QTMAN: variants seen among roughly 807,000 people sequenced by gnomAD.
QTMAN encodes queuosine-tRNA mannosyltransferase.
At chr2:144,004,367 CTAAA>C in the QTMAN span, among the ~76,000 whole-genome samples, 1 of 152,004 alleles carries the variant, frequency 6.6e-6, no homozygotes, top group East Asian at 1.9e-4. Context: ...GATCAGGGGT[CTAAA>C]TAAATGTGTG....
chr2:144,230,115 G>T, the QTMAN span: 1 of 151,908 alleles, frequency 6.6e-6, no homozygotes, highest in Non-Finnish European at 1.5e-5. Context: ...TATATCTGGG[G>T]TCCCTATATG....
the QTMAN span, among the ~76,000 whole-genome samples, chr2:143,965,023 T>A: frequency 6.6e-6 from 1 of 152,064 alleles, no homozygotes; most frequent in Admixed American, 6.6e-5. Context: ...ACAAACACAT[T>A]CCACTTATTT....
chr2:144,245,299 G>A, the QTMAN span, among the ~76,000 whole-genome samples: 1 of 152,172 alleles, frequency 6.6e-6, no homozygotes, highest in African/African-American at 2.4e-5. Context: ...CCTGGCTTTT[G>A]AGAAATCCAT....
chr2:144,064,831 T>TA, the QTMAN span, among the ~76,000 whole-genome samples: 1 of 152,170 alleles, frequency 6.6e-6, no homozygotes, highest in Non-Finnish European at 1.5e-5. Flanking sequence ...AATGACACAT[T>TA]AAGCCTTTAA....
chr2:144,031,314 C>T, the QTMAN span, among the ~76,000 whole-genome samples: 1 of 151,858 alleles, frequency 6.6e-6, no homozygotes, highest in Non-Finnish European at 1.5e-5. Flanking sequence ...TGGTACTAAT[C>T]CTTTTCAAAA....
the QTMAN span, among the ~76,000 whole-genome samples, chr2:143,962,989 T>G: frequency 6.6e-6 from 1 of 152,200 alleles, no homozygotes; most frequent in Non-Finnish European, 1.5e-5. Flanking sequence ...ATTTTTTTTG[T>G]ATTTATATGT....
At chr2:144,197,435 C>T in the QTMAN span, among the ~76,000 whole-genome samples, 15 of 151,860 alleles carry the variant, frequency 9.9e-5, no homozygotes, top group African/African-American at 3.4e-4. Flanking sequence ...AGAACATTTA[C>T]GTGCATGGAG....
At chr2:143,991,466 C>A in the QTMAN span, among the ~76,000 whole-genome samples, 1 of 147,182 alleles carries the variant, frequency 6.8e-6, no homozygotes, top group African/African-American at 2.5e-5. Flanking sequence ...CCAGCCGCCC[C>A]GTCCGGGAGG....
chr2:143,970,344 A>G, the QTMAN span, among the ~76,000 whole-genome samples: 1 of 152,244 alleles, frequency 6.6e-6, no homozygotes, highest in Non-Finnish European at 1.5e-5. Context: ...GAGAGGTTGT[A>G]TATCCAATTA....
the QTMAN span, among the ~76,000 whole-genome samples, chr2:144,324,148 A>G: frequency 1.3e-5 from 2 of 152,202 alleles, no homozygotes; most frequent in Non-Finnish European, 2.9e-5. Context: ...CATCCAATAC[A>G]AGTCTGTCTG....
the QTMAN span, among the ~76,000 whole-genome samples, chr2:144,182,653 A>AAAG: frequency 1.4e-5 from 2 of 145,386 alleles, no homozygotes; most frequent in African/African-American, 5.0e-5. Flanking sequence ...CAAAAAAAAA[A>AAAG]AAAAAAAAAA....
chr2:144,020,454 AAGAACCC>A, the QTMAN span, among the ~76,000 whole-genome samples: 1 of 152,250 alleles, frequency 6.6e-6, no homozygotes, highest in Non-Finnish European at 1.5e-5. Context: ...ACACCAAGGA[AAGAACCC>A]AGGATACAGA....
At chr2:143,978,494 A>C in the QTMAN span, among the ~76,000 whole-genome samples, 1 of 152,176 alleles carries the variant, frequency 6.6e-6, no homozygotes, top group Non-Finnish European at 1.5e-5. Context: ...TGGATATTGT[A>C]CACAGTCATT....
the QTMAN span, among the ~76,000 whole-genome samples, chr2:144,080,639 A>G: frequency 2.6e-5 from 4 of 152,206 alleles, no homozygotes; most frequent in African/African-American, 9.6e-5. Context: ...CTATTTGGAG[A>G]AAAATATATA....
the QTMAN span, among the ~76,000 whole-genome samples, chr2:144,215,539 T>C: frequency 2.0e-5 from 3 of 152,180 alleles, no homozygotes; most frequent in East Asian, 1.9e-4. Flanking sequence ...TTCCACATTA[T>C]ATTAAAAAAT....
the QTMAN span, among the ~76,000 whole-genome samples, chr2:144,236,208 A>G: frequency 6.6e-6 from 1 of 152,116 alleles, no homozygotes; most frequent in Non-Finnish European, 1.5e-5. Context: ...GCAGGTTGGA[A>G]TGCATATGGA....
the QTMAN span, among the ~76,000 whole-genome samples, chr2:144,080,678 G>A: frequency 6.6e-6 from 1 of 152,130 alleles, no homozygotes; most frequent in South Asian, 2.1e-4. Context: ...AGATTTGTGG[G>A]TGAACATAGA....
At chr2:144,040,328 A>G in the QTMAN span, among the ~76,000 whole-genome samples, 2 of 152,004 alleles carry the variant, frequency 1.3e-5, no homozygotes, top group Admixed American at 1.3e-4. Context: ...TGATTGTCTT[A>G]CTTTATTATC....
At chr2:144,067,456 G>T in the QTMAN span, among the ~76,000 whole-genome samples, 962 of 152,280 alleles carry the variant, frequency 6.3e-3, 4 homozygotes, top group Middle Eastern at 0.014. Flanking sequence ...CATTTAGCGA[G>T]GACAATAAGA....
Sources: gnomAD v4.1 joint callset for allele counts (sites outside exome capture counted in the v4.1 genomes callset) on GRCh38, gnomAD v4.1.1 for gene constraint, MANE v1.5 for transcripts, NCBI Gene and HGNC (gene_info 2026-07-23, HGNC 2026-07-21) for gene names.